Variants in SGIP1 observed in about 807,000 individuals in gnomAD.
SGIP1 encodes the protein SH3GL interacting endocytic adaptor 1, also known as SH3-containing GRB2-like protein 3-interacting protein 1.
In SGIP1, 38 loss-of-function variants were observed where a neutral mutation model predicts 107.5. The observed-to-expected ratio is 0.35, with a 90% CI of 0.27 to 0.46. SGIP1 has a LOEUF of 0.46. SGIP1 is among the 20% of genes least tolerant of loss of function. The pLI is 1.00. For synonymous variants in SGIP1, 365 were observed against 366.1 expected (o/e 1.00, Z 0.03); for missense variants, 929 against 1,019.5 (o/e 0.91, Z 1.21).
intron 24 of SGIP1, among the ~76,000 whole-genome samples, chr1:66,741,862 G>A (rs985854947): frequency 6.6e-6 from 1 of 151,836 alleles, no homozygotes; most frequent in Non-Finnish European, 1.5e-5. Context: ...CTGCCTCCCG[G>A]GTTCACGCCA....
At position 66,750,003 on chromosome 1, in the gene SGIP1, C is replaced by CTCTCTTTG. The variant is rs367902209; in HGVS notation, c.*6913_*6914insTTGTCTCT. ...CTCCTATCTAATTCATATTCTCTCTCTCTCTCTCTCTCTTTCTCTGTGTGT... is the reference window on the plus strand; with the variant it reads ...CTCCTATCTAATTCATATTCTCTCTCTCTCTTTGTCTCTCTCTCTCTTTCTCTGTGTGT... On this transcript the variant is annotated 3_prime_UTR_variant, in exon 25 of 25. Coordinates refer to ENST00000371037, the MANE Select transcript of SGIP1 (RefSeq NM_032291.4). Among the ~76,000 whole-genome samples the CTCTCTTTG allele has an allele frequency of 1.3e-5, 2 of 150,890 alleles. No individual in the cohort carries two copies. The highest frequency in any genetic ancestry group is 1.3e-4 in the Admixed American group (2 of 15,120).
chr1:66,601,717 C>CA (rs951863451), intron 1 of SGIP1, among the ~76,000 whole-genome samples: 12 of 151,600 alleles, frequency 7.9e-5, no homozygotes, highest in African/African-American at 2.2e-4. Context: ...AAGTATTTTA[C>CA]AAAAAAAAGC....
intron 1 of SGIP1, among the ~76,000 whole-genome samples, chr1:66,541,838 G>A (rs2055021690): frequency 6.6e-6 from 1 of 152,114 alleles, no homozygotes; most frequent in African/African-American, 2.4e-5. Context: ...AGATACACCT[G>A]GAGTGTTTCT....
At chr1:66,646,336 G>T (rs1025523522) in intron 7 of SGIP1, among the ~76,000 whole-genome samples, 2 of 152,084 alleles carry the variant, frequency 1.3e-5, no homozygotes, top group Non-Finnish European at 2.9e-5. Context: ...GTCTACACAA[G>T]TTAATGATAT....
intron 12 of SGIP1, among the ~76,000 whole-genome samples, chr1:66,675,589 G>T (rs2085112380): frequency 8.3e-6 from 1 of 120,674 alleles, no homozygotes; most frequent in South Asian, 3.0e-4. Flanking sequence ...ACCCAGGCTG[G>T]AATACAGTGG....
chr1:66,612,077 C>T (rs1303014484), intron 1 of SGIP1, among the ~76,000 whole-genome samples: 4 of 152,146 alleles, frequency 2.6e-5, no homozygotes, highest in Non-Finnish European at 5.9e-5. Context: ...AAGCACGGCA[C>T]CAGCTTCCAG....
At position 66,589,363 on chromosome 1, in the gene SGIP1, A is replaced by C. The variant is rs540936987; in HGVS notation, c.11-36484A>C. ...TTTTCTTAAATAATTTGGGCACAAAAAAAAAAAAGAAATTCTGTTCTTAAC... is the reference window on the plus strand; with the variant it reads ...TTTTCTTAAATAATTTGGGCACAAACAAAAAAAAGAAATTCTGTTCTTAAC... On this transcript the variant is annotated intron_variant, in intron 1 of 24. Coordinates refer to ENST00000371037, the MANE Select transcript of SGIP1 (RefSeq NM_032291.4). Among the ~76,000 whole-genome samples the C allele has an allele frequency of 2.0e-3, 298 of 151,514 alleles. 2 individuals carry two copies. Among genetic ancestry groups the C allele is most frequent in the Admixed American group, 3.2e-3 (48 of 15,206 alleles).
intron 19 of SGIP1, among the ~76,000 whole-genome samples, chr1:66,720,888 A>T (rs2150454760): frequency 1.3e-5 from 2 of 152,308 alleles, no homozygotes; most frequent in African/African-American, 4.8e-5. Context: ...ACTAATCATG[A>T]ATCCTCTCGA....
chr1:66,694,500 T>C (rs758044205), intron 17 of SGIP1: 6 of 1,602,340 alleles, frequency 3.7e-6, no homozygotes, highest in Non-Finnish European at 4.3e-6. Context: ...GTGAAACGCC[T>C]GCAGGTATGG....
intron 15 of SGIP1, among the ~76,000 whole-genome samples, chr1:66,685,327 T>C (rs2087938970): frequency 6.6e-6 from 1 of 152,204 alleles, no homozygotes; most frequent in Non-Finnish European, 1.5e-5. Flanking sequence ...TGAAAAGCAG[T>C]TGGAAGTTAA....
At chr1:66,702,958 A>G (rs186143055) in intron 18 of SGIP1, among the ~76,000 whole-genome samples, 2 of 152,354 alleles carry the variant, frequency 1.3e-5, no homozygotes, top group Non-Finnish European at 2.9e-5. Flanking sequence ...CAAATGGGGA[A>G]CTAACAAGAA....
chr1:66,627,356 T>C (rs1269424775), intron 2 of SGIP1, among the ~76,000 whole-genome samples: 1 of 152,088 alleles, frequency 6.6e-6, no homozygotes, highest in Non-Finnish European at 1.5e-5. Context: ...TAAAGTCCAC[T>C]AGGCATTTAC....
At chr1:66,710,394 C>T (rs1572117668) in intron 18 of SGIP1, among the ~76,000 whole-genome samples, 1 of 152,230 alleles carries the variant, frequency 6.6e-6, no homozygotes, top group Non-Finnish European at 1.5e-5. Context: ...ATGATAATGG[C>T]TGCCAAGTTA....
rs1406968192 is a variant in SGIP1 at position 66,747,864 on chromosome 1, G to A, written c.*4769G>A. ...CATTCAGTCTAAATGTACTCATTTT[G>A]CCACATGGTTTTCTGATCAGCAATT... On this transcript the variant is annotated 3_prime_UTR_variant, in exon 25 of 25. Coordinates refer to ENST00000371037, the MANE Select transcript of SGIP1 (RefSeq NM_032291.4). 1 of 151,876 alleles carries A rather than the reference G, an allele frequency of 6.6e-6. No individual in the cohort carries two copies. Among genetic ancestry groups the A allele is most frequent in the Non-Finnish European group, 1.5e-5 (1 of 67,852 alleles). The allele number at this position is 151,876 out of a possible 1,614,324, so 9.4% of individuals were successfully genotyped here.
intron 1 of SGIP1, among the ~76,000 whole-genome samples, chr1:66,601,359 C>G (rs555958722): frequency 6.6e-6 from 1 of 152,110 alleles, no homozygotes; most frequent in South Asian, 2.1e-4. Flanking sequence ...AGAGAGACTC[C>G]GTCCCAAACA....
chr1:66,636,963 G>A (rs2075895808), intron 4 of SGIP1, among the ~76,000 whole-genome samples: 1 of 152,062 alleles, frequency 6.6e-6, no homozygotes, highest in Non-Finnish European at 1.5e-5. Context: ...GTCACTGTGA[G>A]TCTCAGTTAT....
rs866200884 is a variant in SGIP1 at position 66,635,739 on chromosome 1, G to C, written c.100-205G>C. 2.6e-5 allele frequency among the ~76,000 whole-genome samples: 4 copies of C among 152,124 alleles called. 1 individual carries two copies. The highest frequency in any genetic ancestry group is 6.8e-3 in the Middle Eastern group (2 of 294). On this transcript the variant is annotated intron_variant, in intron 3 of 24. Coordinates refer to ENST00000371037, the MANE Select transcript of SGIP1 (RefSeq NM_032291.4). ...TTCTTCTCTTGGCCTAACCAAGCTGGCCTGCTGAATAGAGCCTCATTATGG... is the reference window on the plus strand; with the variant it reads ...TTCTTCTCTTGGCCTAACCAAGCTGCCCTGCTGAATAGAGCCTCATTATGG...
chr1:66,538,738 T>C (rs1350830206), intron 1 of SGIP1, among the ~76,000 whole-genome samples: 2 of 152,172 alleles, frequency 1.3e-5, no homozygotes, highest in Admixed American at 6.5e-5. Context: ...ACCCAATATC[T>C]AGCTAACATG....
intron 20 of SGIP1, among the ~76,000 whole-genome samples, chr1:66,733,321 A>G (rs563961666): frequency 1.1e-4 from 16 of 152,216 alleles, no homozygotes; most frequent in Non-Finnish European, 2.1e-4. Flanking sequence ...ATTTCACTGG[A>G]TAATTTCTGA....
Sources: allele counts gnomAD v4.1 joint callset (sites outside exome capture counted in the v4.1 genomes callset), GRCh38; gene constraint gnomAD v4.1.1; transcripts MANE v1.5; gene names NCBI Gene and HGNC (gene_info 2026-07-23, HGNC 2026-07-21).